Variants in RAD52 observed in about 807,000 individuals in gnomAD.
The protein encoded by RAD52 is DNA repair protein RAD52 homolog.
Under a neutral mutation model 55.5 loss-of-function variants are expected in RAD52, and 47 were observed. That is an observed-to-expected ratio of 0.85 (90% CI 0.67 to 1.08). The LOEUF is 1.08. RAD52 is among the 50% of genes least tolerant of loss of function. The pLI is 0.00. For synonymous variants in RAD52, 184 were observed against 198.9 expected (o/e 0.92, Z 0.63); for missense variants, 468 against 522.8 (o/e 0.90, Z 1.02).
intron 1 of RAD52, among the ~76,000 whole-genome samples, chr12:945,162 C>A (rs1331401788): frequency 6.6e-6 from 1 of 151,986 alleles, no homozygotes; most frequent in African/African-American, 2.4e-5. Flanking sequence ...ACCAGCCCGG[C>A]TAACATGATG....
At position 913,353 on chromosome 12, in the gene RAD52, C is replaced by G; in HGVS notation, c.*38G>C. The G allele has an allele frequency of 6.7e-7, 1 of 1,500,484 alleles. No homozygotes were observed. Among genetic ancestry groups the G allele is most frequent in the African/African-American group, 1.4e-5 (1 of 71,280 alleles). The allele number at this position is 1,500,484 out of a possible 1,614,324, so 92.9% of individuals were successfully genotyped here. ...ACCAAAAAGTAGTTTTCCAAAGTCC[C>G]TTTGTGACAGAGTCCAATTATGTGG... On this transcript the variant is annotated 3_prime_UTR_variant, in exon 12 of 12. Transcript: ENST00000358495.
chr12:939,880 GC>G (rs1166174371), intron 1 of RAD52, among the ~76,000 whole-genome samples: 1 of 152,128 alleles, frequency 6.6e-6, no homozygotes, highest in Non-Finnish European at 1.5e-5. Flanking sequence ...TTTGAGACCA[GC>G]CTGGCCAAGA....
At chr12:950,432 G>A (rs1464216200), upstream of RAD52, among the ~76,000 whole-genome samples, 3 of 152,034 alleles carry the variant, frequency 2.0e-5, no homozygotes, top group Admixed American at 1.3e-4. Context: ...TTAGCCGGGC[G>A]TGGTGGCGGG....
chr12:945,937 C>T (rs1334297322), intron 1 of RAD52, among the ~76,000 whole-genome samples: 1 of 151,808 alleles, frequency 6.6e-6, no homozygotes, highest in South Asian at 2.1e-4. Context: ...GCAGGAGAAT[C>T]GCTTGAACCT....
In RAD52 at chr12:931,206, A is replaced by G. The variant is rs1957310366; in HGVS notation, c.186+14T>C. ...GTATGGATGCCTGCTTTCCAGGCAC[A>G]TGAATTCTCCTACCTTCTGGCCTCC... On this transcript the variant is annotated intron_variant, in intron 3 of 11. Transcript: ENST00000358495. 9 of 1,607,902 alleles carry G rather than the reference A, an allele frequency of 5.6e-6. No individual in the cohort carries two copies. Among genetic ancestry groups the G allele is most frequent in the Non-Finnish European group, 7.6e-6 (9 of 1,176,652 alleles).
intron 1 of RAD52, among the ~76,000 whole-genome samples, chr12:979,492 G>C (rs1186191295): frequency 6.6e-6 from 1 of 152,056 alleles, no homozygotes; most frequent in East Asian, 1.9e-4. Flanking sequence ...GCTCTTAACA[G>C]ATAAGACTAG....
intron 8 of RAD52, 44 bp from the exon 9 acceptor site, chr12:916,527 C>T (rs2154108679): frequency 1.2e-6 from 2 of 1,605,420 alleles, no homozygotes; most frequent in Non-Finnish European, 8.5e-7. Flanking sequence ...TGAGCAACAG[C>T]CGCGGCTGCT....
intron 7 of RAD52, among the ~76,000 whole-genome samples, chr12:920,815 A>G (rs1423140215): frequency 6.6e-6 from 1 of 152,238 alleles, no homozygotes; most frequent in East Asian, 1.9e-4. Context: ...AGTCATATAC[A>G]TAACATTCCA....
At position 926,765 on chromosome 12, in the gene RAD52, CG is replaced by C. The variant is rs902776175; in HGVS notation, c.467+379del. The C allele has an allele frequency of 2.0e-6, 3 of 1,520,530 alleles. No individual in the cohort carries two copies. In the African/African-American group the frequency reaches 4.1e-5, roughly 21 times the overall value. The allele number at this position is 1,520,530 out of a possible 1,614,324, so 94.2% of individuals were successfully genotyped here. A position where few individuals can be genotyped will look rare whatever the true frequency, so the allele number is the denominator to read the frequency against. ...ATAAATGGACTAACACGGACATCTG[CG>C]TGACTGTGTAACTACGTTAACTATG... On this transcript the variant is annotated intron_variant, in intron 6 of 11. Coordinates refer to ENST00000358495, the MANE Select transcript of RAD52 (RefSeq NM_134424.4).
chr12:981,435 C>T (rs1386525067), intron 1 of RAD52, among the ~76,000 whole-genome samples: 5 of 152,070 alleles, frequency 3.3e-5, no homozygotes, highest in Non-Finnish European at 7.3e-5. Flanking sequence ...AGTCATTCTG[C>T]GGCAAAGTTC....
At chr12:990,466 G>T (rs1317360490), upstream of RAD52, 1 of 152,208 alleles carries the variant, frequency 6.6e-6, no homozygotes, top group Non-Finnish European at 1.5e-5. Context: ...GCTGTCGGAG[G>T]CTAAATAAAC....
chr12:987,889 A>G (rs927435689), intron 1 of RAD52, among the ~76,000 whole-genome samples: 1 of 152,088 alleles, frequency 6.6e-6, no homozygotes, highest in African/African-American at 2.4e-5. Flanking sequence ...TTTTGAAATA[A>G]GGTCTCTTGC....
intron 1 of RAD52, among the ~76,000 whole-genome samples, chr12:966,479 A>G (rs903107843): frequency 6.6e-6 from 1 of 152,090 alleles, no homozygotes; most frequent in Non-Finnish European, 1.5e-5. Context: ...AAAGTCTGCC[A>G]TGCCACCTCC....
At chr12:981,735 C>T (rs570137840) in intron 1 of RAD52, among the ~76,000 whole-genome samples, 5 of 140,386 alleles carry the variant, frequency 3.6e-5, no homozygotes, top group East Asian at 4.4e-4. Flanking sequence ...CTAGCCTGGG[C>T]GACAGAATGA....
At position 914,051 on chromosome 12, in the gene RAD52, C is replaced by T. The variant is rs374156479; in HGVS notation, c.1038G>A (p.Ser346=). 79 of 1,614,022 alleles carry T rather than the reference C, an allele frequency of 4.9e-5. No homozygotes were observed. The highest frequency in any genetic ancestry group is 1.6e-4 in the Middle Eastern group (1 of 6,084). Residue 346 remains serine, a synonymous_variant, in exon 11 of 12, where the codon TCG becomes TCA. Coordinates refer to ENST00000358495, the MANE Select transcript of RAD52 (RefSeq NM_134424.4). The part of the protein sequence containing the change: ...PDAGDGVVKP[S]SRADPAQTSD... Reference sequence around the variant, plus strand: ...AGGTCTGGGCTGGGTCTGCTCTAGACGAGGGCTTGACCACACCATCCCCTG... The same window carrying T: ...AGGTCTGGGCTGGGTCTGCTCTAGATGAGGGCTTGACCACACCATCCCCTG...
intron 5 of RAD52, 129 bp from the exon 6 acceptor site, chr12:927,392 C>T (rs1462638986): frequency 1.1e-5 from 8 of 716,050 alleles, no homozygotes; most frequent in Admixed American, 4.1e-5. Flanking sequence ...GGGGCACGGG[C>T]AGAAGGCTGG....
At chr12:968,133 A>T (rs1958795441) in intron 1 of RAD52, among the ~76,000 whole-genome samples, 1 of 152,130 alleles carries the variant, frequency 6.6e-6, no homozygotes, top group Non-Finnish European at 1.5e-5. Flanking sequence ...TTTCCTCCAT[A>T]AAAGCAAGTA....
chr12:969,343 A>C (rs1274307666), intron 1 of RAD52, among the ~76,000 whole-genome samples: 1 of 152,066 alleles, frequency 6.6e-6, no homozygotes, highest in Admixed American at 6.5e-5. Flanking sequence ...CCAAAAGTAT[A>C]ATAGTCAATA....
At position 914,141 on chromosome 12, in the gene RAD52, G is replaced by A. The variant is rs2154107565; in HGVS notation, c.968-20C>T. The A allele has an allele frequency of 1.3e-6, 2 of 1,592,884 alleles. No homozygotes were observed. The stretch of plus-strand genomic sequence containing the variant: ...GAGTCTCTACAGAGGTCAAGGAAAA[G>A]TGCGTCATCAGCAAATAATGAAGTA... On this transcript the variant is annotated intron_variant, in intron 10 of 11. Coordinates refer to ENST00000358495, the MANE Select transcript of RAD52 (RefSeq NM_134424.4).
Sources: gnomAD v4.1 joint callset for allele counts (sites outside exome capture counted in the v4.1 genomes callset) on GRCh38, gnomAD v4.1.1 for gene constraint, MANE v1.5 for transcripts, NCBI Gene and HGNC (gene_info 2026-07-23, HGNC 2026-07-21) for gene names.